SPEG: variants seen among roughly 807,000 people sequenced by gnomAD.
SPEG encodes the protein striated muscle preferentially expressed protein kinase.
Under a neutral mutation model 300.4 loss-of-function variants are expected in SPEG, and 114 were observed. The observed-to-expected ratio is 0.38, with a 90% confidence interval of 0.33 to 0.44. The LOEUF is 0.44. Among genes scored for constraint, SPEG ranks in the 20% least tolerant of loss-of-function variants. The pLI is 1.00. For missense variants in SPEG, 4,201 were observed against 4,586.2 expected (o/e 0.92, Z 2.43); for synonymous variants, 1,964 against 2,018.9 (o/e 0.97, Z 0.73).
Position 219,443,641 on chromosome 2 carries a change from G to T in SPEG, c.389-1012G>T. The T allele has an allele frequency of 3.3e-6, 1 of 304,420 alleles. No homozygotes were observed. Among genetic ancestry groups the T allele is most frequent in the South Asian group, 3.0e-5 (1 of 33,818 alleles). 18.9% of individuals were successfully genotyped at this position (304,420 alleles called of 1,614,324 possible). On this transcript the variant is annotated intron_variant, in intron 1 of 40. Transcript: ENST00000312358. The surrounding 1 kb of genome is among the most constrained non-coding windows in gnomAD (Gnocchi z 4.6). ...TCATGATGCAGACAGATAAGGGGTT[G>T]GTTTGCAAAGAGGGGTCAAAGCACA... is the stretch of plus-strand genomic sequence containing the variant.
chr2:219,485,528 T>C (rs1237352888), intron 31 of SPEG, 51 bp downstream of exon 31: 1 of 1,489,426 alleles, frequency 6.7e-7, no homozygotes, highest in East Asian at 2.5e-5. Context: ...TGCCCTCCCC[T>C]ACCCCCATCA....
rs745642949 is a variant in SPEG at position 219,448,014 on chromosome 2, C to A, written c.856C>A (p.Leu286Ile). Residue 286 changes from leucine to isoleucine, a missense_variant, in exon 4 of 41, where the codon CTT becomes ATT. By Grantham distance (5) the Leu-to-Ile change is conservative. Coordinates refer to ENST00000312358, the MANE Select transcript of SPEG (RefSeq NM_005876.5). ...CGGGTTGCGCAGGGAGGAGCCCGACCTTCAGCCTCAACTGGCCAGCGAAGC... is the reference window on the plus strand; with the variant it reads ...CGGGTTGCGCAGGGAGGAGCCCGACATTCAGCCTCAACTGGCCAGCGAAGC... ...QSGLRREEPD[L>I]QPQLASEAPR... 6.2e-7 allele frequency: 1 copy of A among 1,612,558 alleles called. No individual in the cohort carries two copies. The highest frequency in any genetic ancestry group is 1.1e-5 in the South Asian group (1 of 91,070).
intron 18 of SPEG, 141 bp from the exon 19 acceptor site, chr2:219,476,729 G>A (rs1692378014): frequency 3.3e-6 from 2 of 615,138 alleles, no homozygotes; most frequent in East Asian, 2.9e-5. Context: ...GGGGGTGGGG[G>A]GTGGTGGCTT....
chr2:219,443,987 A>T lies in SPEG; in HGVS notation c.389-666A>T. On this transcript the variant is annotated intron_variant, in intron 1 of 40. Transcript: ENST00000312358. The surrounding 1 kb of genome is among the most constrained non-coding windows in gnomAD (Gnocchi z 4.6). Reference sequence around the variant, plus strand: ...CCTGCCCCACAAACGCTCTGATAACAGTCTGTCCCTGTCTCTCTCCTGCTG... The same window carrying T: ...CCTGCCCCACAAACGCTCTGATAACTGTCTGTCCCTGTCTCTCTCCTGCTG... The T allele has an allele frequency of 7.4e-7, 1 of 1,359,368 alleles. No individual in the cohort carries two copies. The highest frequency in any genetic ancestry group is 9.8e-7 in the Non-Finnish European group (1 of 1,018,190). 84.2% of individuals were successfully genotyped at this position (1,359,368 alleles called of 1,614,324 possible).
At position 219,480,282 on chromosome 2, in the gene SPEG, C is replaced by A; in HGVS notation, c.5342+142C>A. ...GAGGCATTGTTTGCAGGGTCTCCTG[C>A]CCATGTTACTCCTTGCCCCTTGTGA... On this transcript the variant is annotated intron_variant, in intron 25 of 40. Transcript: ENST00000312358. This position sits in a 1 kb window ranked among gnomAD's most constrained non-coding sequence, Gnocchi z 5.3. The A allele has an allele frequency of 1.1e-6, 1 of 888,162 alleles. No individual in the cohort carries two copies. Among genetic ancestry groups the A allele is most frequent in the Non-Finnish European group, 1.7e-6 (1 of 581,698 alleles). The allele number at this position is 888,162 out of a possible 1,614,324, so 55.0% of individuals were successfully genotyped here.
chr2:219,465,926 CGCGTGTGCGTGCACGTGTGCGTGCAT>C (rs1444966782), intron 9 of SPEG: 2 of 217,472 alleles, frequency 9.2e-6, no homozygotes, highest in African/African-American at 7.5e-5. Context: ...TGTGTGTGCG[CGCGTGTGCGTGCACGTGTGCGTGCAT>C]GTGTGCGTGT....
rs986041201 is a variant in SPEG at position 219,435,230 on chromosome 2, G to C, written c.253G>C (p.Ala85Pro). ...GTTCCGGGATGGGCAGCTCCTGCCC[G>C]CGCCGGCCCCCGAGCCCAGCTGCCT... ...RWFRDGQLLP[A>P]PAPEPSCLWL... The change falls in exon 1 of 41, where the codon GCG (alanine) becomes CCG (proline). Residue 85 changes from alanine (A) to proline (P), a missense_variant. Transcript: ENST00000312358. 1 of 1,476,692 alleles carries C rather than the reference G, an allele frequency of 6.8e-7. No individual in the cohort carries two copies. The highest frequency in any genetic ancestry group is 1.5e-5 in the African/African-American group (1 of 67,776). The allele number at this position is 1,476,692 out of a possible 1,614,324, so 91.5% of individuals were successfully genotyped here.
chr2:219,462,239 C>G, intron 7 of SPEG, 59 bp from the exon 8 acceptor site: 1 of 1,413,418 alleles, frequency 7.1e-7, no homozygotes, highest in South Asian at 1.3e-5. Flanking sequence ...GATTCCACAG[C>G]CCCCAGGACC....
chr2:219,447,329 G>A (rs1360559833), intron 3 of SPEG, among the ~76,000 whole-genome samples: 1 of 152,220 alleles, frequency 6.6e-6, no homozygotes, highest in Non-Finnish European at 1.5e-5. Flanking sequence ...GAGAGTAGGA[G>A]CCTGGGCATC....
At chr2:219,492,397 T>A in intron 40 of SPEG, 137 bp downstream of exon 40, 1 of 1,182,370 alleles carries the variant, frequency 8.5e-7, no homozygotes, top group Non-Finnish European at 1.2e-6. Flanking sequence ...ACCCACCATT[T>A]AAAGCCTGAG....
rs199897861 is a variant in SPEG, at chr2:219,473,102, C to A, written c.4147+6C>A. The A allele has an allele frequency of 1.2e-6, 2 of 1,612,218 alleles. No individual in the cohort carries two copies. The highest frequency in any genetic ancestry group is 4.5e-5 in the East Asian group (2 of 44,834). On this transcript the variant is annotated splice_donor_region_variant and intron_variant, in intron 16 of 40. Transcript: ENST00000312358. The surrounding 1 kb of genome is among the most constrained non-coding windows in gnomAD (Gnocchi z 4.6). ...TGTGCAGCTGCTGGAGCACGGTGAG[C>A]CTGGGTGCTCCTGTCGGGTGGGGGT... is the stretch of plus-strand genomic sequence containing the variant.
rs373463101 is a variant in SPEG at position 219,481,677 on chromosome 2, C to A, written c.5562C>A (p.Phe1854Leu). The A allele has an allele frequency of 3.1e-6, 5 of 1,613,932 alleles. No individual in the cohort carries two copies. The highest frequency in any genetic ancestry group is 1.3e-5 in the African/African-American group (1 of 74,928). ...TAEETLEHPW[F>L]KTQAKGAEVS... ...AAGAGACCCTAGAACATCCTTGGTT[C>A]AAAGTGAGTCTAGTCTGCAAAGTGG... Residue 1854 changes from phenylalanine to leucine, a missense_variant, in exon 28 of 41, where the codon TTC becomes TTA. By Grantham distance (22) the Phe-to-Leu change is conservative. Coordinates refer to ENST00000312358, the MANE Select transcript of SPEG (RefSeq NM_005876.5). This position sits in a 1 kb window ranked among gnomAD's most constrained non-coding sequence, Gnocchi z 5.4.
At chr2:219,453,969 G>A (rs763379108) in intron 6 of SPEG, among the ~76,000 whole-genome samples, 8 of 152,208 alleles carry the variant, frequency 5.3e-5, no homozygotes, top group Non-Finnish European at 1.0e-4. Context: ...CAGTTTGCCC[G>A]TAGGCCTGGT....
At position 219,466,964 on chromosome 2, in the gene SPEG, C is replaced by G. The variant is rs921992149; in HGVS notation, c.2882-210C>G. On this transcript the variant is annotated intron_variant, in intron 9 of 40. Coordinates refer to ENST00000312358, the MANE Select transcript of SPEG (RefSeq NM_005876.5). ...TTCCCTCTTGCCTCCATGAATCACC[C>G]TCCCTGGCCCAGCTTGGATTGCCAT... The G allele has an allele frequency of 3.8e-6, 4 of 1,049,780 alleles. No homozygotes were observed. In the East Asian group the frequency reaches 9.1e-5, roughly 24 times the overall value. The allele number at this position is 1,049,780 out of a possible 1,614,324, so 65.0% of individuals were successfully genotyped here.
At chr2:219,492,086 T>G in intron 39 of SPEG, 25 bp from the exon 40 acceptor site, 2 of 1,603,166 alleles carry the variant, frequency 1.2e-6, no homozygotes, top group Non-Finnish European at 1.7e-6. Context: ...TCTGCATACG[T>G]CAATCAAGCT....
intron 1 of SPEG, among the ~76,000 whole-genome samples, chr2:219,437,627 A>G (rs1329639901): frequency 8.3e-6 from 1 of 120,842 alleles, no homozygotes; most frequent in Non-Finnish European, 1.8e-5. Context: ...AGAAGGTGGC[A>G]GAACAGGTGG....
intron 1 of SPEG, among the ~76,000 whole-genome samples, chr2:219,438,856 G>C (rs1954785114): frequency 6.6e-6 from 1 of 152,190 alleles, no homozygotes; most frequent in Non-Finnish European, 1.5e-5. Context: ...TAGGGAGAGA[G>C]GGCCAACTTA....
chr2:219,472,446 T>C, intron 15 of SPEG, 115 bp downstream of exon 15: 1 of 877,244 alleles, frequency 1.1e-6, no homozygotes, highest in Non-Finnish European at 1.8e-6. Flanking sequence ...CAGGAGCTGA[T>C]GGAATGCTGG....
chr2:219,463,780 A>G (rs1181049155), intron 8 of SPEG, among the ~76,000 whole-genome samples: 2 of 151,868 alleles, frequency 1.3e-5, no homozygotes, highest in Non-Finnish European at 2.9e-5. Flanking sequence ...CTATCTGTCC[A>G]TTATAAATAA....
Sources: allele counts gnomAD v4.1 joint callset (sites outside exome capture counted in the v4.1 genomes callset), GRCh38; gene constraint gnomAD v4.1.1; non-coding constraint Gnocchi (gnomAD v3.1); transcripts MANE v1.5; gene names NCBI Gene and HGNC (gene_info 2026-07-23, HGNC 2026-07-21).